CSMD1: variants seen among roughly 807,000 people sequenced by gnomAD.
CSMD1 encodes the protein CUB and sushi domain-containing protein 1.
In CSMD1, 213 loss-of-function variants were observed where a neutral mutation model predicts 417.5. The observed-to-expected ratio is 0.51, with a 90% CI of 0.46 to 0.57. The LOEUF is 0.57. Among genes scored for constraint, CSMD1 ranks in the 20% least tolerant of loss-of-function variants. The pLI, the probability that CSMD1 is intolerant of heterozygous loss-of-function variation, is 0.00. For synonymous variants in CSMD1, 2,862 were observed against 1,736.8 expected (o/e 1.65, Z -16.11); for missense variants, 6,923 against 4,529.7 (o/e 1.53, Z -15.17).
At chr8:4,094,477 T>C (rs1486237620) in intron 3 of CSMD1, among the ~76,000 whole-genome samples, 2 of 152,164 alleles carry the variant, frequency 1.3e-5, no homozygotes, top group African/African-American at 4.8e-5. Context: ...AGATGATGCC[T>C]GGATTAACGC....
At chr8:4,051,311 A>AG (rs1403338434) in intron 3 of CSMD1, among the ~76,000 whole-genome samples, 106 of 151,352 alleles carry the variant, frequency 7.0e-4, no homozygotes, top group Admixed American at 1.2e-3. Context: ...GAAGACTCAA[A>AG]AAAAAAAAAA....
intron 49 of CSMD1, among the ~76,000 whole-genome samples, chr8:3,084,081 G>C (rs1386106239): frequency 6.6e-6 from 1 of 152,170 alleles, no homozygotes; most frequent in African/African-American, 2.4e-5. Context: ...ATATCTGTGA[G>C]TGGATGGGAG....
At chr8:4,585,390 G>T (rs943958374) in intron 2 of CSMD1, among the ~76,000 whole-genome samples, 1 of 152,062 alleles carries the variant, frequency 6.6e-6, no homozygotes, top group Non-Finnish European at 1.5e-5. Context: ...TTGAAAGAGG[G>T]ATAACGAAAC....
chr8:3,931,357 C>T (rs978448672), intron 5 of CSMD1, among the ~76,000 whole-genome samples: 1 of 150,542 alleles, frequency 6.6e-6, no homozygotes, highest in Non-Finnish European at 1.5e-5. Flanking sequence ...CTCTCCCTCC[C>T]TCATTTCTCA....
chr8:3,188,986 T>C lies in CSMD1; in HGVS notation c.5424A>G (p.Gln1808=), dbSNP rs1334257643. ...CGGGGGACAGGATTGTACCTCTTCG[T>C]TGAGTGAAATTGCCACTGCAGGGTA... The part of the protein sequence containing the change: ...CVVPCSGNFT[Q]RRGTILSPGY... The change falls in exon 35 of 70, where the codon CAA becomes CAG. Residue 1808 remains glutamine, a synonymous_variant. Coordinates refer to ENST00000635120, the MANE Select transcript of CSMD1 (RefSeq NM_033225.6). 5 of 1,613,396 alleles carry C rather than the reference T, an allele frequency of 3.1e-6. No homozygotes were observed. The highest frequency in any genetic ancestry group is 4.2e-6 in the Non-Finnish European group (5 of 1,179,606).
intron 18 of CSMD1, among the ~76,000 whole-genome samples, chr8:3,382,561 CTCTA>C (rs938424833): frequency 3.1e-5 from 1 of 32,476 alleles, no homozygotes; most frequent in Admixed American, 3.1e-4. Flanking sequence ...TTATGTCTTT[CTCTA>C]TATATATCTA....
At chr8:4,206,552 A>G (rs1369587910) in intron 3 of CSMD1, among the ~76,000 whole-genome samples, 1 of 152,148 alleles carries the variant, frequency 6.6e-6, no homozygotes, top group Non-Finnish European at 1.5e-5. Context: ...TCCATGGTGT[A>G]TATGTGCCAC....
intron 1 of CSMD1, among the ~76,000 whole-genome samples, chr8:4,952,806 T>C (rs1808840786): frequency 6.6e-6 from 1 of 152,172 alleles, no homozygotes; most frequent in Non-Finnish European, 1.5e-5. Context: ...ACAATACTTC[T>C]ACACAGTAAT....
intron 26 of CSMD1, among the ~76,000 whole-genome samples, chr8:3,265,023 A>T (rs556075772): frequency 1.3e-5 from 2 of 152,268 alleles, no homozygotes; most frequent in African/African-American, 4.8e-5. Context: ...TGAGAATTTA[A>T]ATTATATGGG....
At chr8:4,827,002 C>T (rs1799869513) in intron 1 of CSMD1, among the ~76,000 whole-genome samples, 1 of 152,056 alleles carries the variant, frequency 6.6e-6, no homozygotes, top group Non-Finnish European at 1.5e-5. Context: ...AAATTGCTTG[C>T]CTATCTTCCA....
chr8:3,572,835 A>T (rs908965820), intron 10 of CSMD1, among the ~76,000 whole-genome samples: 1 of 152,078 alleles, frequency 6.6e-6, no homozygotes, highest in African/African-American at 2.4e-5. Context: ...AACAAACTCA[A>T]TTGTTCAGCT....
At chr8:3,495,936 G>T (rs68015181) in intron 10 of CSMD1, among the ~76,000 whole-genome samples, 8,103 of 152,044 alleles carry the variant, frequency 0.053, 242 homozygotes, top group Middle Eastern at 0.075. Context: ...GGGGTACATG[G>T]GCAGGATGTG....
chr8:3,972,734 C>G (rs921736806), intron 5 of CSMD1, among the ~76,000 whole-genome samples: 1 of 152,198 alleles, frequency 6.6e-6, no homozygotes, highest in East Asian at 1.9e-4. Flanking sequence ...AGTAAACACA[C>G]AGCACCAGCT....
At chr8:3,311,547 G>C (rs1033858952) in intron 23 of CSMD1, among the ~76,000 whole-genome samples, 6 of 152,182 alleles carry the variant, frequency 3.9e-5, no homozygotes, top group Non-Finnish European at 8.8e-5. Flanking sequence ...TAATCAGCTA[G>C]AGAGTCAACA....
At chr8:4,702,138 G>T (rs972358295) in intron 1 of CSMD1, among the ~76,000 whole-genome samples, 1 of 152,148 alleles carries the variant, frequency 6.6e-6, no homozygotes, top group Non-Finnish European at 1.5e-5. Flanking sequence ...AGAGCACTAG[G>T]AAAAATAGCT....
intron 3 of CSMD1, among the ~76,000 whole-genome samples, chr8:4,039,782 G>A (rs555479789): frequency 2.0e-5 from 3 of 152,306 alleles, no homozygotes; most frequent in Non-Finnish European, 4.4e-5. Context: ...AGCATTTATA[G>A]AAAAGTATAT....
intron 18 of CSMD1, among the ~76,000 whole-genome samples, chr8:3,369,639 G>C (rs1451878119): frequency 2.0e-5 from 3 of 152,170 alleles, no homozygotes; most frequent in Admixed American, 6.5e-5. Flanking sequence ...ACAAGCCTCA[G>C]AATTGCAGAC....
chr8:4,066,060 T>A (rs1160716377), intron 3 of CSMD1, among the ~76,000 whole-genome samples: 1 of 152,212 alleles, frequency 6.6e-6, no homozygotes, highest in African/African-American at 2.4e-5. Context: ...TGGGAAAGCC[T>A]GGAATAGGTG....
intron 3 of CSMD1, among the ~76,000 whole-genome samples, chr8:4,417,101 A>G (rs1426623123): frequency 6.6e-6 from 1 of 152,040 alleles, no homozygotes; most frequent in Non-Finnish European, 1.5e-5. Flanking sequence ...AGCAGTTAAA[A>G]TGTGTTAATT....
Sources: gnomAD v4.1 joint callset for allele counts (sites outside exome capture counted in the v4.1 genomes callset) on GRCh38, gnomAD v4.1.1 for gene constraint, MANE v1.5 for transcripts, NCBI Gene and HGNC (gene_info 2026-07-23, HGNC 2026-07-21) for gene names.